The following HERC4 variants were observed in gnomAD, a reference collection of about 807,000 sequenced individuals.
HERC4 encodes the protein probable E3 ubiquitin-protein ligase HERC4.
HERC4 carries 28 observed loss-of-function variants against 124.3 expected under a neutral mutation model. That is an observed-to-expected ratio of 0.23 (90% CI 0.17 to 0.31). The LOEUF (loss-of-function observed/expected upper bound fraction) is 0.31, where lower values mean the gene tolerates loss of function less well. HERC4 is among the 10% of genes least tolerant of loss of function. HERC4 has a pLI of 1.00. For synonymous variants in HERC4, 407 were observed against 421.5 expected, an observed-to-expected ratio of 0.97 and a Z score of 0.42; for missense variants, 713 against 1,229.3, an observed-to-expected ratio of 0.58 and a Z score of 6.28.
In HERC4 at chr10:67,926,592, A is replaced by T. The variant is rs141523125; in HGVS notation, c.2839-1405T>A. 3.5e-3 allele frequency among the ~76,000 whole-genome samples: 538 copies of T among 152,214 alleles called. 2 individuals carry two copies. Among genetic ancestry groups the T allele is most frequent in the Non-Finnish European group, 6.0e-3 (411 of 68,012 alleles). ...TTCCCTCAGCCTACACCACTCAGACACATCCTTTCTTCTTTGGTCATCAGG... is the reference window on the plus strand; with the variant it reads ...TTCCCTCAGCCTACACCACTCAGACTCATCCTTTCTTCTTTGGTCATCAGG... On this transcript the variant is annotated intron_variant, in intron 23 of 24. Coordinates refer to ENST00000373700, the MANE Select transcript of HERC4 (RefSeq NM_015601.4).
chr10:68,017,083 A>G (rs2038314911), intron 8 of HERC4, among the ~76,000 whole-genome samples: 1 of 152,138 alleles, frequency 6.6e-6, no homozygotes, highest in Non-Finnish European at 1.5e-5. Flanking sequence ...GTTTGGCCAT[A>G]TAGTTTGCTT....
chr10:68,019,157 C>T (rs976593618), intron 8 of HERC4, among the ~76,000 whole-genome samples: 8 of 151,712 alleles, frequency 5.3e-5, no homozygotes, highest in East Asian at 1.9e-4. Flanking sequence ...CCACCACGCC[C>T]GACTAATTTT....
At position 67,977,930 on chromosome 10, in the gene HERC4, G is replaced by A. The variant is rs181551370; in HGVS notation, c.1806+10733C>T. Among the ~76,000 whole-genome samples the A allele has an allele frequency of 3.3e-3, 495 of 152,040 alleles. 2 individuals carry two copies. Among genetic ancestry groups the A allele is most frequent in the Non-Finnish European group, 5.8e-3 (397 of 67,998 alleles). ...TGGGAGGTAGAGAGTATAGTGAGCC[G>A]AGATTGTGCCACTGCACTCCAGCCT... On this transcript the variant is annotated intron_variant, in intron 15 of 24. Coordinates refer to ENST00000373700, the MANE Select transcript of HERC4 (RefSeq NM_015601.4).
chr10:67,957,515 T>G (rs1480788983), intron 16 of HERC4, among the ~76,000 whole-genome samples: 1 of 152,196 alleles, frequency 6.6e-6, no homozygotes, highest in Non-Finnish European at 1.5e-5. Flanking sequence ...CGAGAACTGA[T>G]CTATTATTAT....
intron 4 of HERC4, 40 bp from the exon 5 acceptor site, chr10:68,038,209 T>C (rs748669492): frequency 1.8e-4 from 181 of 992,848 alleles, no homozygotes; most frequent in Non-Finnish European, 7.4e-6. Flanking sequence ...GTTAATTCCA[T>C]TTAACAAATT....
rs370064791 is a variant in HERC4 at position 67,981,698 on chromosome 10, G to A, written c.1806+6965C>T. Among the ~76,000 whole-genome samples, 43 of 152,164 alleles carry A rather than the reference G, an allele frequency of 2.8e-4. No homozygotes were observed. The South Asian group carries it at 5.0e-3, about 18-fold the overall frequency. Reference sequence around the variant, plus strand: ...TAGGCCAGGCATGGTGGTTCACACCGGGTAATCCCAGCACTTTGGGAGGCC... The same window carrying A: ...TAGGCCAGGCATGGTGGTTCACACCAGGTAATCCCAGCACTTTGGGAGGCC... On this transcript the variant is annotated intron_variant, in intron 15 of 24. Transcript: ENST00000373700.
At chr10:67,989,948 G>A (rs908471560) in intron 14 of HERC4, among the ~76,000 whole-genome samples, 3 of 152,126 alleles carry the variant, frequency 2.0e-5, no homozygotes, top group African/African-American at 4.8e-5. Flanking sequence ...AAAGGAATAC[G>A]GGTGACAGTT....
At chr10:67,990,470 A>AAG in intron 13 of HERC4, 70 bp from the exon 14 acceptor site, 4 of 1,028,666 alleles carry the variant, frequency 3.9e-6, no homozygotes, top group Non-Finnish European at 5.2e-6. Flanking sequence ...AAAAAAAAAA[A>AAG]GGAAGGCAGG....
Position 68,034,083 on chromosome 10 carries a change from T to C in HERC4, c.567A>G (p.Gly189=). 6.2e-7 allele frequency: 1 copy of C among 1,614,164 alleles called. No homozygotes were observed. Among genetic ancestry groups the C allele is most frequent in the Non-Finnish European group, 8.5e-7 (1 of 1,180,020 alleles). Reference sequence around the variant, plus strand: ...CTGCTGCAACTTGCATGAAAGGGATTCCAAGCAAAGACTTAAGCAGCTGCG... The same window carrying C: ...CTGCTGCAACTTGCATGAAAGGGATCCCAAGCAAAGACTTAAGCAGCTGCG... ...TSPQLLKSLL[G]IPFMQVAAGG... The change falls in exon 6 of 25, where the codon GGA becomes GGG. Residue 189 remains glycine (G), a synonymous_variant. Coordinates refer to ENST00000373700, the MANE Select transcript of HERC4 (RefSeq NM_015601.4).
At chr10:68,060,738 C>G (rs2040963631) in intron 3 of HERC4, among the ~76,000 whole-genome samples, 2 of 152,140 alleles carry the variant, frequency 1.3e-5, no homozygotes, top group African/African-American at 4.8e-5. Flanking sequence ...ATCAACCACT[C>G]AGGCTTCTAC....
At chr10:67,974,637 A>C (rs984778143) in intron 15 of HERC4, among the ~76,000 whole-genome samples, 2 of 152,192 alleles carry the variant, frequency 1.3e-5, no homozygotes, top group Non-Finnish European at 2.9e-5. Context: ...GGATCGGTCT[A>C]TATCTGTTGC....
chr10:67,976,422 TTTTG>T (rs766742853), intron 15 of HERC4, among the ~76,000 whole-genome samples: 2 of 152,188 alleles, frequency 1.3e-5, no homozygotes, highest in Non-Finnish European at 2.9e-5. Context: ...TGATATATAT[TTTTG>T]TTTATCTTAC....
rs760693080 is a variant in HERC4 at position 67,992,697 on chromosome 10, T to TA, written c.1070-16dup. 3.1e-6 allele frequency: 4 copies of TA among 1,292,636 alleles called. No homozygotes were observed. The highest frequency in any genetic ancestry group is 4.4e-6 in the Non-Finnish European group (4 of 918,906). 80.1% of individuals were successfully genotyped at this position (1,292,636 alleles called of 1,614,324 possible). Reference sequence around the variant, plus strand: ...TTCTTCAGAATCTGTAATAAAAATGTAAAAAATTAAAAGCCAAGATTTACA... The same window carrying TA: ...TTCTTCAGAATCTGTAATAAAAATGTAAAAAAATTAAAAGCCAAGATTTACA... On this transcript the variant is annotated splice_polypyrimidine_tract_variant and intron_variant, in intron 9 of 24. Transcript: ENST00000373700.
At chr10:68,017,774 C>T (rs1033435269) in intron 8 of HERC4, among the ~76,000 whole-genome samples, 8 of 152,146 alleles carry the variant, frequency 5.3e-5, no homozygotes, top group Admixed American at 2.0e-4. Context: ...CAGGCATGAG[C>T]CACCACGCCC....
chr10:68,026,888 T>A (rs919817131), intron 7 of HERC4, among the ~76,000 whole-genome samples: 4 of 151,378 alleles, frequency 2.6e-5, no homozygotes, highest in Non-Finnish European at 5.9e-5. Context: ...TGTAGTTCCA[T>A]CTACTTTGGA....
intron 9 of HERC4, chr10:67,993,744 T>C (rs761183575): frequency 6.6e-6 from 1 of 152,192 alleles, no homozygotes; most frequent in Non-Finnish European, 1.5e-5. Context: ...GGCAACAAAG[T>C]TTCTTTTGAA....
chr10:67,974,983 G>A (rs1394986023), intron 15 of HERC4, among the ~76,000 whole-genome samples: 2 of 152,120 alleles, frequency 1.3e-5, no homozygotes, highest in East Asian at 1.9e-4. Context: ...GAGGTCAGGA[G>A]TTCGAGACCA....
intron 3 of HERC4, among the ~76,000 whole-genome samples, chr10:68,045,250 G>T (rs1157145571): frequency 1.3e-5 from 2 of 152,198 alleles, no homozygotes; most frequent in African/African-American, 4.8e-5. Flanking sequence ...TTGAATCTGG[G>T]AGATGGAGGT....
At chr10:68,044,372 G>A in intron 4 of HERC4, 32 bp downstream of exon 4, 1 of 1,585,590 alleles carries the variant, frequency 6.3e-7, no homozygotes, top group Non-Finnish European at 8.6e-7. Context: ...TTAAAAGATT[G>A]TTAAGGACCT....
Sources: gnomAD v4.1 joint callset for allele counts (sites outside exome capture counted in the v4.1 genomes callset) on GRCh38, gnomAD v4.1.1 for gene constraint, MANE v1.5 for transcripts, NCBI Gene and HGNC (gene_info 2026-07-23, HGNC 2026-07-21) for gene names.